Variants in GDF1 observed in about 807,000 individuals in gnomAD.
GDF1 encodes growth differentiation factor 1.
A neutral mutation model predicts 7.4 loss-of-function variants in GDF1; 8 were observed. The ratio of observed to expected loss-of-function variants is 1.09; its 90% CI spans 0.64 to 1.96. The LOEUF (loss-of-function observed/expected upper bound fraction) is 1.96, where lower values mean the gene tolerates loss of function less well. Ranked by LOEUF, GDF1 falls within the 30% of genes most tolerant of loss-of-function variation. The pLI, the probability that GDF1 is intolerant of heterozygous loss-of-function variation, is 0.00. For missense variants in GDF1, 574 were observed against 551.5 expected (o/e 1.04, Z -0.41); for synonymous variants, 311 against 276.7 (o/e 1.12, Z -1.23).
intron 6 of GDF1, among the ~76,000 whole-genome samples, chr19:18,872,438 C>G (rs890963736): frequency 8.5e-5 from 13 of 152,144 alleles, no homozygotes; most frequent in African/African-American, 3.1e-4. Context: ...ACCTCTGCCT[C>G]CCAGGTTCAC....
At chr19:18,876,536 T>TTGTGTG (rs60266196) in intron 6 of GDF1, among the ~76,000 whole-genome samples, 5,383 of 143,210 alleles carry the variant, frequency 0.038, 226 homozygotes, top group African/African-American at 0.095. Flanking sequence ...TTTGATTGGG[T>TTGTGTG]TGTGTGTGTG....
At chr19:18,879,919 C>G (rs944659983) in intron 4 of GDF1, among the ~76,000 whole-genome samples, 4 of 151,736 alleles carry the variant, frequency 2.6e-5, no homozygotes, top group African/African-American at 9.7e-5. Flanking sequence ...CTACCCCAAC[C>G]CTGCTTGGCC....
In GDF1 at chr19:18,879,265, G is replaced by A. The variant is rs1047604923; in HGVS notation, c.-447C>T. 43 of 1,613,548 alleles carry A rather than the reference G, an allele frequency of 2.7e-5. No homozygotes were observed. Among genetic ancestry groups the A allele is most frequent in the Non-Finnish European group, 3.3e-5 (39 of 1,179,780 alleles). The stretch of plus-strand genomic sequence containing the variant: ...CCAGGAACCAGTAGAGGTTCATAAG[G>A]GTGAGCAGCAGCAGGAGCGCATTGA... On this transcript the variant is annotated 5_prime_UTR_variant, in exon 5 of 8. Coordinates refer to ENST00000247005, the MANE Select transcript of GDF1 (RefSeq NM_001492.6).
chr19:18,890,447 A>G (rs1019588963), intron 2 of GDF1, among the ~76,000 whole-genome samples: 1 of 152,236 alleles, frequency 6.6e-6, no homozygotes, highest in African/African-American at 2.4e-5. Context: ...ATAAATAGAC[A>G]TGGAAATAAT....
chr19:18,887,953 T>C (rs1436794319), intron 2 of GDF1, among the ~76,000 whole-genome samples: 1 of 152,112 alleles, frequency 6.6e-6, no homozygotes, highest in Non-Finnish European at 1.5e-5. Context: ...TCCCACTTTC[T>C]GTCTCTATGA....
Position 18,885,557 on chromosome 19 carries a change from T to C in GDF1, c.-913-1290A>G, listed in dbSNP as rs545071223. Reference sequence around the variant, plus strand: ...TTTTTTGAGATGGAGTCTTGCTCTGTAGCCCAGGCTGGAGTGCAGTGGCGG... The same window carrying C: ...TTTTTTGAGATGGAGTCTTGCTCTGCAGCCCAGGCTGGAGTGCAGTGGCGG... On this transcript the variant is annotated intron_variant, in intron 2 of 7. Coordinates refer to ENST00000247005, the MANE Select transcript of GDF1 (RefSeq NM_001492.6). 1.1e-4 allele frequency among the ~76,000 whole-genome samples: 16 copies of C among 147,604 alleles called. No individual in the cohort carries two copies. In the East Asian group the frequency reaches 3.2e-3, roughly 30 times the overall value.
intron 2 of GDF1, among the ~76,000 whole-genome samples, chr19:18,890,797 A>AAAG (rs1225092133): frequency 6.7e-6 from 1 of 150,124 alleles, no homozygotes; most frequent in Non-Finnish European, 1.5e-5. Context: ...AAAAAAAAAA[A>AAAG]AAAAAAGCAG....
chr19:18,875,631 T>C (rs958915090), intron 6 of GDF1, among the ~76,000 whole-genome samples: 1 of 152,182 alleles, frequency 6.6e-6, no homozygotes. Flanking sequence ...AGCTTTCTTT[T>C]ATTAAACTTT....
chr19:18,889,916 C>T (rs1215156538), intron 2 of GDF1, among the ~76,000 whole-genome samples: 5 of 152,196 alleles, frequency 3.3e-5, no homozygotes, highest in Non-Finnish European at 7.3e-5. Context: ...ACTATCAGCT[C>T]TGCCTTCTAA....
chr19:18,894,540 G>C (rs1183944113), intron 1 of GDF1, among the ~76,000 whole-genome samples: 2 of 152,130 alleles, frequency 1.3e-5, no homozygotes, highest in African/African-American at 4.8e-5. Flanking sequence ...GCTCGGCCCT[G>C]GTAGTCTACC....
intron 3 of GDF1, among the ~76,000 whole-genome samples, chr19:18,880,689 GAGCTCCCTGGA>G (rs1432364556): frequency 6.6e-6 from 1 of 151,674 alleles, no homozygotes; most frequent in Non-Finnish European, 1.5e-5. Flanking sequence ...GTGGCCCAGG[GAGCTCCCTGGA>G]AGTTTATTTT....
In GDF1 at chr19:18,869,181, CG is replaced by C; in HGVS notation, c.534del (p.Pro180ArgfsTer59). 1 of 1,165,082 alleles carries C rather than the reference CG, an allele frequency of 8.6e-7. No individual in the cohort carries two copies. The highest frequency in any genetic ancestry group is 1.1e-6 in the Non-Finnish European group (1 of 946,432). 72.2% of individuals were successfully genotyped at this position (1,165,082 alleles called of 1,614,324 possible). On this transcript the variant is annotated frameshift_variant, in exon 8 of 8. Coordinates refer to ENST00000247005, the MANE Select transcript of GDF1 (RefSeq NM_001492.6). LOFTEE classifies it low-confidence loss of function (END_TRUNC). ...AQAGQGAGADPGPVLLRQLVP... is the reference protein window; with the variant it reads ...AQAGQGAGADXGPVLLRQLVP... ...ACCAACTGGCGGAGCAGCACCGGCC[CG>C]GGGTCCGCGCCCGCGCCCTGGCCCG... is the stretch of plus-strand genomic sequence containing the variant.
At chr19:18,884,777 G>A (rs1441011163) in intron 2 of GDF1, among the ~76,000 whole-genome samples, 2 of 125,960 alleles carry the variant, frequency 1.6e-5, no homozygotes, top group Non-Finnish European at 3.2e-5. Flanking sequence ...GCAGCGGCAC[G>A]ATCTCAGCTC....
chr19:18,892,394 C>T (rs1488928938), intron 2 of GDF1, among the ~76,000 whole-genome samples: 1 of 151,920 alleles, frequency 6.6e-6, no homozygotes, highest in East Asian at 2.0e-4. Context: ...GCGGGCAGAT[C>T]ATGAGATCAG....
chr19:18,881,062 C>A (rs984434382), intron 3 of GDF1, among the ~76,000 whole-genome samples: 1 of 152,072 alleles, frequency 6.6e-6, no homozygotes, highest in Non-Finnish European at 1.5e-5. Context: ...ACCCCCGACT[C>A]TCACAGGCCT....
intron 7 of GDF1, 65 bp from the exon 8 acceptor site, chr19:18,869,455 T>A: frequency 2.7e-6 from 4 of 1,501,928 alleles, no homozygotes. Flanking sequence ...GGGTCTCGGT[T>A]AGGGACAGGG....
intron 6 of GDF1, among the ~76,000 whole-genome samples, chr19:18,871,852 C>A (rs1231472937): frequency 6.6e-6 from 1 of 152,172 alleles, no homozygotes; most frequent in African/African-American, 2.4e-5. Context: ...CTTCATCCAC[C>A]CTTGTGGCTT....
At chr19:18,879,151 C>T (rs574443365) in intron 5 of GDF1, 90 bp downstream of exon 5, 72 of 1,593,050 alleles carry the variant, frequency 4.5e-5, no homozygotes, top group South Asian at 3.3e-4. Context: ...TGCCACCTAA[C>T]GTGCCCCTCC....
At position 18,880,262 on chromosome 19, in the gene GDF1, C is replaced by T. The variant is rs2056170306; in HGVS notation, c.-571+12G>A. 1 of 1,545,218 alleles carries T rather than the reference C, an allele frequency of 6.5e-7. No individual in the cohort carries two copies. The highest frequency in any genetic ancestry group is 2.0e-5 in the Admixed American group (1 of 50,800). ...ACACCTCCCTCCCTGCCCAGCACTC[C>T]CTACCACTCACCAGCTGAAGCCGAA... On this transcript the variant is annotated intron_variant, in intron 4 of 7. Transcript: ENST00000247005.
Sources: allele counts gnomAD v4.1 joint callset (sites outside exome capture counted in the v4.1 genomes callset), GRCh38; gene constraint gnomAD v4.1.1; transcripts MANE v1.5; gene names NCBI Gene and HGNC (gene_info 2026-07-23, HGNC 2026-07-21).